Variants in ZC3H12B observed in about 807,000 individuals in gnomAD.
ZC3H12B encodes zinc finger CCCH-type containing 12B.
Under a neutral mutation model 43.9 loss-of-function variants are expected in ZC3H12B, and 7 were observed. The ratio of observed to expected loss-of-function variants is 0.16; its 90% CI spans 0.09 to 0.30. The LOEUF (loss-of-function observed/expected upper bound fraction) is 0.30. Among genes scored for constraint, ZC3H12B ranks in the 10% least tolerant of loss-of-function variants. The pLI is 1.00. For synonymous variants in ZC3H12B, 222 were observed against 241.7 expected, an observed-to-expected ratio of 0.92 and a Z score of 0.76; for missense variants, 475 against 670.2, an observed-to-expected ratio of 0.71 and a Z score of 3.22.
the ZC3H12B span, among the ~76,000 whole-genome samples, chrX:65,339,543 C>T: frequency 8.9e-6 from 1 of 111,853 alleles, no homozygotes; most frequent in Non-Finnish European, 1.9e-5. Flanking sequence ...CAGAGCATGG[C>T]CAGTGATGCC....
chrX:65,376,984 G>A (rs1466911957), intron 2 of ZC3H12B, among the ~76,000 whole-genome samples: 2 of 110,827 alleles, frequency 1.8e-5, no homozygotes, highest in Non-Finnish European at 3.8e-5. Context: ...AGATAAGATA[G>A]CTGTTTCGAG....
intron 3 of ZC3H12B, among the ~76,000 whole-genome samples, chrX:65,462,936 G>A (rs368555734): frequency 1.5e-4 from 17 of 112,197 alleles, no homozygotes; most frequent in South Asian, 1.5e-3. Context: ...CTACACAGCC[G>A]TAAAAATGAA....
At chrX:65,339,953 G>C in the ZC3H12B span, among the ~76,000 whole-genome samples, 1 of 111,439 alleles carries the variant, frequency 9.0e-6, no homozygotes, top group Non-Finnish European at 1.9e-5. Context: ...ACCCTGACCT[G>C]TCACTACTGC....
chrX:65,334,706 C>T, the ZC3H12B span, among the ~76,000 whole-genome samples: 1 of 111,426 alleles, frequency 9.0e-6, no homozygotes, highest in Non-Finnish European at 1.9e-5. Context: ...CAGGGTGGGG[C>T]TCTTGGAGGA....
intron 3 of ZC3H12B, among the ~76,000 whole-genome samples, chrX:65,410,396 T>C (rs1010750044): frequency 8.9e-6 from 1 of 111,902 alleles, no homozygotes; most frequent in Non-Finnish European, 1.9e-5. Context: ...TCCAGGACAT[T>C]GGTCTAGGCA....
the ZC3H12B span, among the ~76,000 whole-genome samples, chrX:65,160,937 T>G: frequency 9.0e-6 from 1 of 111,279 alleles, no homozygotes; most frequent in Non-Finnish European, 1.9e-5. Flanking sequence ...TTTGAATGTG[T>G]CCCAGAGATT....
the ZC3H12B span, among the ~76,000 whole-genome samples, chrX:65,359,923 A>G: frequency 1.8e-5 from 2 of 111,835 alleles, no homozygotes; most frequent in African/African-American, 6.5e-5. Context: ...TGCAAACTTT[A>G]TTGTTTTCTA....
At chrX:65,101,418 A>G in the ZC3H12B span, among the ~76,000 whole-genome samples, 17 of 111,940 alleles carry the variant, frequency 1.5e-4, no homozygotes, top group Admixed American at 1.6e-3. Context: ...GATAGAGACA[A>G]TAAAAACCAT....
At chrX:65,216,754 A>T in the ZC3H12B span, among the ~76,000 whole-genome samples, 1 of 111,914 alleles carries the variant, frequency 8.9e-6, no homozygotes, top group Non-Finnish European at 1.9e-5. Flanking sequence ...TTACAACATG[A>T]GTACTAGCTG....
the ZC3H12B span, among the ~76,000 whole-genome samples, chrX:65,267,341 T>A: frequency 9.1e-6 from 1 of 109,773 alleles, no homozygotes; most frequent in African/African-American, 3.3e-5. Context: ...GAAAAGTCAC[T>A]AAACAGGCTA....
At chrX:65,117,671 C>G in the ZC3H12B span, among the ~76,000 whole-genome samples, 1 of 111,795 alleles carries the variant, frequency 8.9e-6, no homozygotes, top group African/African-American at 3.3e-5. Flanking sequence ...CCTAGGTTTT[C>G]TTCTAGGGTT....
chrX:65,402,237 AAGG>A (rs1462105298), intron 3 of ZC3H12B, among the ~76,000 whole-genome samples: 1 of 111,912 alleles, frequency 8.9e-6, no homozygotes, highest in Non-Finnish European at 1.9e-5. Flanking sequence ...TTCCTTTGGA[AAGG>A]AGAAGGAAGA....
upstream of ZC3H12B, among the ~76,000 whole-genome samples, chrX:65,483,910 T>A (rs866299484): frequency 1.8e-5 from 2 of 111,730 alleles, no homozygotes; most frequent in South Asian, 7.4e-4. Context: ...GCTCCATTCA[T>A]ATCCCTGCAA....
At chrX:65,282,497 G>A in the ZC3H12B span, among the ~76,000 whole-genome samples, 5 of 111,281 alleles carry the variant, frequency 4.5e-5, no homozygotes, top group Non-Finnish European at 7.5e-5. Context: ...ATTACTTTTT[G>A]AGACTCAAAA....
intron 3 of ZC3H12B, among the ~76,000 whole-genome samples, chrX:65,440,222 C>T (rs2067284441): frequency 8.9e-6 from 1 of 111,924 alleles, no homozygotes; most frequent in African/African-American, 3.2e-5. Flanking sequence ...ATTTGATTCC[C>T]TTCAGTCAAA....
At chrX:65,235,030 TC>T in the ZC3H12B span, among the ~76,000 whole-genome samples, 1 of 111,971 alleles carries the variant, frequency 8.9e-6, no homozygotes, top group Admixed American at 9.5e-5. Flanking sequence ...CCTTGTTCAT[TC>T]TTTTTGGCTA....
the ZC3H12B span, among the ~76,000 whole-genome samples, chrX:65,070,025 ATT>A: frequency 6.0e-5 from 6 of 99,234 alleles, no homozygotes; most frequent in African/African-American, 7.3e-5. Context: ...AGTGGTACAG[ATT>A]TTTTTTTTTT....
At chrX:65,428,640 G>A (rs1338871320) in intron 3 of ZC3H12B, among the ~76,000 whole-genome samples, 1 of 112,170 alleles carries the variant, frequency 8.9e-6, no homozygotes, top group African/African-American at 3.2e-5. Flanking sequence ...GGCTATTTTA[G>A]CTGTCAGCTC....
At chrX:65,407,246 G>A (rs2066841009) in intron 3 of ZC3H12B, among the ~76,000 whole-genome samples, 1 of 112,590 alleles carries the variant, frequency 8.9e-6, no homozygotes, top group Non-Finnish European at 1.9e-5. Flanking sequence ...CGCGCGAGGC[G>A]CGGCGCCCTG....
Sources: gnomAD v4.1 joint callset for allele counts (sites outside exome capture counted in the v4.1 genomes callset) on GRCh38, gnomAD v4.1.1 for gene constraint, MANE v1.5 for transcripts, NCBI Gene and HGNC (gene_info 2026-07-23, HGNC 2026-07-21) for gene names.